The following HFM1 variants were observed in gnomAD, a reference collection of about 807,000 sequenced individuals.
The protein encoded by HFM1 is helicase for meiosis 1.
In HFM1, 169 loss-of-function variants were observed where a neutral mutation model predicts 192.1. The observed-to-expected ratio is 0.88, with a 90% CI of 0.78 to 1.00. HFM1 has a LOEUF of 1.00. Among genes scored for constraint, HFM1 ranks in the 50% least tolerant of loss-of-function variants. The pLI is 0.00. For missense variants in HFM1, 1,661 were observed against 1,668.0 expected, an observed-to-expected ratio of 1.00 and a Z score of 0.07; for synonymous variants, 525 against 537.8, an observed-to-expected ratio of 0.98 and a Z score of 0.33.
At chr1:91,353,357 A>T (rs562170793) in intron 13 of HFM1, 58 bp from the exon 14 acceptor site, 1 of 985,508 alleles carries the variant, frequency 1.0e-6, no homozygotes, top group South Asian at 1.6e-5. Context: ...GAGAACTCTG[A>T]AACAGTTTAT....
At chr1:91,287,842 A>G (rs1260766374) in intron 30 of HFM1, among the ~76,000 whole-genome samples, 1 of 152,162 alleles carries the variant, frequency 6.6e-6, no homozygotes, top group Admixed American at 6.5e-5. Flanking sequence ...CTGAAAACCA[A>G]GGCTCGAGAA....
chr1:91,329,346 G>A (rs997638886), intron 20 of HFM1: 2 of 1,601,968 alleles, frequency 1.2e-6, no homozygotes, highest in African/African-American at 2.7e-5. Flanking sequence ...AATCCACAGT[G>A]GGGTCAAGAG....
At chr1:91,358,511 C>T (rs1658044754) in intron 13 of HFM1, among the ~76,000 whole-genome samples, 1 of 152,010 alleles carries the variant, frequency 6.6e-6, no homozygotes, top group African/African-American at 2.4e-5. Flanking sequence ...ACACAGTCAA[C>T]TAATTTTCCA....
At chr1:91,284,910 A>T (rs1398943365) in intron 30 of HFM1, among the ~76,000 whole-genome samples, 2 of 152,176 alleles carry the variant, frequency 1.3e-5, no homozygotes. Flanking sequence ...CCCAAATCTC[A>T]TCTTGATTTG....
chr1:91,274,668 T>C, intron 33 of HFM1, 62 bp downstream of exon 33: 2 of 808,028 alleles, frequency 2.5e-6, no homozygotes, highest in Admixed American at 2.1e-5. Flanking sequence ...AATAAGTGGT[T>C]ACCTGCAGGA....
chr1:91,313,047 G>GTA (rs1650701655), intron 30 of HFM1, among the ~76,000 whole-genome samples: 1 of 152,060 alleles, frequency 6.6e-6, no homozygotes, highest in African/African-American at 2.4e-5. Flanking sequence ...ATGTGCAACT[G>GTA]TAAGTCCAAT....
Position 91,404,788 on chromosome 1 carries a change from C to G in HFM1, c.-28+10G>C, listed in dbSNP as rs1664713695. On this transcript the variant is annotated intron_variant, in intron 1 of 38. Transcript: ENST00000370425. ...ACCTTCCCCGCGGGCGTCCGGGCCC[C>G]TCTCCTCACCTCCCTGCGGACAGCT... 4.5e-6 allele frequency: 2 copies of G among 447,802 alleles called. No homozygotes were observed. Among genetic ancestry groups the G allele is most frequent in the South Asian group, 3.2e-5 (2 of 63,394 alleles). The allele number at this position is 447,802 out of a possible 1,614,324, so 27.7% of individuals were successfully genotyped here. A position where few individuals can be genotyped will look rare whatever the true frequency, so the allele number is the denominator to read the frequency against.
rs59658694 is a variant in HFM1, at chr1:91,383,950, C to T, written c.802+1237G>A. Among the ~76,000 whole-genome samples, 829 of 151,506 alleles carry T rather than the reference C, an allele frequency of 5.5e-3. 6 individuals carry two copies. Among genetic ancestry groups the T allele is most frequent in the African/African-American group, 0.019 (784 of 41,270 alleles). On this transcript the variant is annotated intron_variant, in intron 6 of 38. Coordinates refer to ENST00000370425, the MANE Select transcript of HFM1 (RefSeq NM_001017975.6). ...TAAAAAATATACCATTTTTATTTGT[C>T]AATTATACCTCAACAAAGCTGGGGG... is the stretch of plus-strand genomic sequence containing the variant.
chr1:91,266,729 G>A (rs1665805152), intron 35 of HFM1, among the ~76,000 whole-genome samples: 1 of 152,118 alleles, frequency 6.6e-6, no homozygotes, highest in Non-Finnish European at 1.5e-5. Flanking sequence ...CTACCTCAAA[G>A]GATCAGTACA....
chr1:91,365,359 C>G (rs1424435356), intron 13 of HFM1, among the ~76,000 whole-genome samples: 1 of 151,714 alleles, frequency 6.6e-6, no homozygotes, highest in Non-Finnish European at 1.5e-5. Flanking sequence ...GTAGATTTAG[C>G]TGCTCTTGTC....
chr1:91,318,126 T>C (rs1651531116), intron 25 of HFM1, among the ~76,000 whole-genome samples: 1 of 152,198 alleles, frequency 6.6e-6, no homozygotes, highest in African/African-American at 2.4e-5. Context: ...CTTGCCTTTG[T>C]GGGATGGATG....
chr1:91,352,441 A>G lies in HFM1; in HGVS notation c.1977+65T>C, dbSNP rs575853947. ...ATACAATTATGACATGCTAATCAAA[A>G]AATACACAATTTTTTTGTTTTTATC... On this transcript the variant is annotated intron_variant, in intron 16 of 38. Transcript: ENST00000370425. 13 of 1,281,500 alleles carry G rather than the reference A, an allele frequency of 1.0e-5. 1 individual carries two copies. In the East Asian group the frequency reaches 3.2e-4, roughly 32 times the overall value. The allele number at this position is 1,281,500 out of a possible 1,614,324, so 79.4% of individuals were successfully genotyped here. A position where few individuals can be genotyped will look rare whatever the true frequency, so the allele number is the denominator to read the frequency against.
chr1:91,352,549 T>C lies in HFM1; in HGVS notation c.1934A>G (p.Glu645Gly). 6.2e-7 allele frequency: 1 copy of C among 1,609,484 alleles called. No individual in the cohort carries two copies. The highest frequency in any genetic ancestry group is 1.3e-5 in the African/African-American group (1 of 74,818). ...YAGGLFEEYS[E>G]TDILQMIGRA... ...ACCAATCATCTGTAGAATATCTGTT[T>C]CACTGTACTCTTCAAACAGTCCTCC... Residue 645 changes from glutamate (E) to glycine (G), a missense_variant, in exon 16 of 39, where the codon GAA becomes GGA. Physicochemically the swap from Glu to Gly is moderately conservative, Grantham distance 98. Transcript: ENST00000370425.
chr1:91,347,396 A>G (rs775651933), intron 19 of HFM1, 33 bp downstream of exon 19: 8 of 1,288,696 alleles, frequency 6.2e-6, no homozygotes, highest in Admixed American at 4.1e-5. Context: ...TAAAATATAT[A>G]GAATCTAATT....
In HFM1 at chr1:91,396,383, A is replaced by C. The variant is rs370744197; in HGVS notation, c.94T>G (p.Leu32Val). ...GGAGCAGGAGGGAGAAACCAATCCAATGACTTTTCATTGTCTGGATGGCTA... is the reference window on the plus strand; with the variant it reads ...GGAGCAGGAGGGAGAAACCAATCCACTGACTTTTCATTGTCTGGATGGCTA... ...VENHPDNEKS[L>V]DWFLPPAPLI... Residue 32 changes from leucine to valine, a missense_variant, in exon 3 of 39, where the codon TTG becomes GTG. Transcript: ENST00000370425. 120 of 1,591,546 alleles carry C rather than the reference A, an allele frequency of 7.5e-5. No homozygotes were observed. Among genetic ancestry groups the C allele is most frequent in the Non-Finnish European group, 1.0e-4 (118 of 1,164,008 alleles).
intron 13 of HFM1, among the ~76,000 whole-genome samples, chr1:91,367,237 T>C (rs1659469901): frequency 6.6e-6 from 1 of 152,176 alleles, no homozygotes; most frequent in South Asian, 2.1e-4. Context: ...AATGTCCCTG[T>C]CTGACACATT....
chr1:91,345,274 C>T (rs1655980839), intron 19 of HFM1, among the ~76,000 whole-genome samples: 2 of 151,850 alleles, frequency 1.3e-5, no homozygotes, highest in South Asian at 4.2e-4. Flanking sequence ...AAGGAGTGTT[C>T]CAAAAATAAG....
At chr1:91,272,360 T>C (rs539412597) in intron 34 of HFM1, among the ~76,000 whole-genome samples, 1 of 151,794 alleles carries the variant, frequency 6.6e-6, no homozygotes, top group East Asian at 1.9e-4. Context: ...TACTATACCA[T>C]GCAGCAACTT....
At chr1:91,407,129 C>T (rs1557550475), upstream of HFM1, among the ~76,000 whole-genome samples, 1 of 152,098 alleles carries the variant, frequency 6.6e-6, no homozygotes, top group Non-Finnish European at 1.5e-5. Flanking sequence ...CTTATCCATA[C>T]CCAAAACTTT....
Sources: gnomAD v4.1 joint callset for allele counts (sites outside exome capture counted in the v4.1 genomes callset) on GRCh38, gnomAD v4.1.1 for gene constraint, MANE v1.5 for transcripts, NCBI Gene and HGNC (gene_info 2026-07-23, HGNC 2026-07-21) for gene names.